The following DYTN variants were observed in gnomAD, a reference collection of about 807,000 sequenced individuals.
DYTN encodes the protein dystrotelin.
In DYTN, 75 loss-of-function variants were observed where a neutral mutation model predicts 69.6. That is an observed-to-expected ratio of 1.08 (90% CI 0.89 to 1.31). The LOEUF (loss-of-function observed/expected upper bound fraction) is 1.31, where lower values mean the gene tolerates loss of function less well. Among genes scored for constraint, DYTN ranks in the 50% most tolerant of loss-of-function variants. The probability of loss-of-function intolerance (pLI) is 0.00; values close to 1 mark genes in which losing one functional copy is unlikely to be tolerated. For missense variants in DYTN, 726 were observed against 688.4 expected, an observed-to-expected ratio of 1.05 and a Z score of -0.61; for synonymous variants, 252 against 249.1, an observed-to-expected ratio of 1.01 and a Z score of -0.11.
At chr2:206,707,248 C>A in intron 3 of DYTN, 54 bp downstream of exon 3, 1 of 1,564,802 alleles carries the variant, frequency 6.4e-7, no homozygotes, top group South Asian at 1.2e-5. Flanking sequence ...GGTAAATGAC[C>A]ACTGGAAACT....
chr2:206,671,990 T>C (rs1699634920), intron 9 of DYTN, among the ~76,000 whole-genome samples: 1 of 152,174 alleles, frequency 6.6e-6, no homozygotes, highest in Non-Finnish European at 1.5e-5. Flanking sequence ...GGGTTTTAAG[T>C]TTAATAGACA....
intron 6 of DYTN, 72 bp downstream of exon 6, chr2:206,700,073 T>C (rs962332495): frequency 1.3e-6 from 2 of 1,593,912 alleles, no homozygotes; most frequent in East Asian, 2.2e-5. Flanking sequence ...GTCTGTAATG[T>C]AAATCAGTCA....
At chr2:206,677,532 C>T (rs1239214931) in intron 9 of DYTN, among the ~76,000 whole-genome samples, 1 of 152,138 alleles carries the variant, frequency 6.6e-6, no homozygotes, top group Non-Finnish European at 1.5e-5. Flanking sequence ...TAGCTTACCT[C>T]TGATTATGCA....
chr2:206,709,674 G>C (rs190048339), intron 2 of DYTN, among the ~76,000 whole-genome samples: 21 of 152,136 alleles, frequency 1.4e-4, no homozygotes, highest in Admixed American at 3.3e-4. Flanking sequence ...TTTTAGGCAG[G>C]AGGAAAAATA....
At chr2:206,712,610 A>C (rs1574605624) in intron 1 of DYTN, among the ~76,000 whole-genome samples, 1 of 152,134 alleles carries the variant, frequency 6.6e-6, no homozygotes, top group Admixed American at 6.5e-5. Flanking sequence ...AGGACTCAGG[A>C]AGTAGGGGAT....
chr2:206,702,838 C>T (rs1046273081), intron 5 of DYTN, among the ~76,000 whole-genome samples: 13 of 152,096 alleles, frequency 8.5e-5, no homozygotes, highest in South Asian at 2.1e-4. Flanking sequence ...AAAGATTTTG[C>T]GGATGAATGG....
intron 2 of DYTN, 63 bp downstream of exon 2, chr2:206,710,461 T>C (rs940046180): frequency 3.4e-6 from 5 of 1,485,184 alleles, no homozygotes; most frequent in Non-Finnish European, 4.6e-6. Context: ...GTTTTCTCTA[T>C]GAATTTTACA....
At position 206,705,150 on chromosome 2, in the gene DYTN, G is replaced by A; in HGVS notation, c.383-207C>T. ...TTGTTCCTGTTCCCCAGGTTAGAGT[G>A]CAATGGCACAATCTTGGCTCACTGC... On this transcript the variant is annotated intron_variant, in intron 4 of 11. Coordinates refer to ENST00000452335, the MANE Select transcript of DYTN (RefSeq NM_001093730.1). 1.3e-5 allele frequency: 7 copies of A among 549,770 alleles called. No individual in the cohort carries two copies. The South Asian group carries it at 1.4e-4, about 11-fold the overall frequency. 34.1% of individuals were successfully genotyped at this position (549,770 alleles called of 1,614,324 possible).
At chr2:206,667,804 AAAGT>A (rs1699590650) in intron 9 of DYTN, among the ~76,000 whole-genome samples, 1 of 152,122 alleles carries the variant, frequency 6.6e-6, no homozygotes, top group Non-Finnish European at 1.5e-5. Context: ...TTGTCTAAAT[AAAGT>A]AATTTTATTT....
rs1320042960 is a variant in DYTN, at chr2:206,693,335, GCC to G, written c.832-14_832-13del. The G allele has an allele frequency of 8.0e-5, 129 of 1,608,906 alleles. No homozygotes were observed. Among genetic ancestry groups the G allele is most frequent in the Non-Finnish European group, 9.8e-5 (115 of 1,179,306 alleles). On this transcript the variant is annotated splice_polypyrimidine_tract_variant and intron_variant, in intron 8 of 11. Transcript: ENST00000452335. Reference sequence around the variant, plus strand: ...TGCATTGCTGACATCTGCTGAAAGGGCCAACATTTTTAAAAAGCGTCAGATCA... The same window carrying G: ...TGCATTGCTGACATCTGCTGAAAGGGAACATTTTTAAAAAGCGTCAGATCA...
chr2:206,705,649 A>G, intron 4 of DYTN, 139 bp downstream of exon 4: 5 of 676,306 alleles, frequency 7.4e-6, no homozygotes. Flanking sequence ...GTCCTCAAAT[A>G]GTAAATATTT....
chr2:206,678,866 A>T (rs1699719408), intron 9 of DYTN: 1 of 152,222 alleles, frequency 6.6e-6, no homozygotes. Flanking sequence ...ATAAAAAGTT[A>T]TTCAATAAAA....
intron 9 of DYTN, among the ~76,000 whole-genome samples, chr2:206,692,920 T>C (rs1699879972): frequency 6.6e-6 from 1 of 152,216 alleles, no homozygotes; most frequent in Non-Finnish European, 1.5e-5. Flanking sequence ...ATCTTCTTTG[T>C]CTTTCTGATG....
intron 9 of DYTN, among the ~76,000 whole-genome samples, chr2:206,684,177 T>G (rs1044239263): frequency 1.3e-5 from 2 of 152,236 alleles, no homozygotes; most frequent in Non-Finnish European, 2.9e-5. Flanking sequence ...TGTAGCCATT[T>G]GTACTTCTAC....
chr2:206,659,618 T>A (rs1290330074), intron 11 of DYTN, among the ~76,000 whole-genome samples: 2 of 151,394 alleles, frequency 1.3e-5, no homozygotes. Flanking sequence ...ACTTTCCACA[T>A]CTTCATCCAT....
chr2:206,679,071 A>G (rs1162731818), intron 9 of DYTN: 1 of 152,090 alleles, frequency 6.6e-6, no homozygotes, highest in Non-Finnish European at 1.5e-5. Flanking sequence ...TCTTTCAGGT[A>G]CAGGTATAGG....
chr2:206,694,248 T>C (rs2105897697), intron 8 of DYTN, among the ~76,000 whole-genome samples: 1 of 152,366 alleles, frequency 6.6e-6, no homozygotes, highest in East Asian at 1.9e-4. Context: ...TTAAAAAATT[T>C]GAAAGGCAGC....
intron 5 of DYTN, among the ~76,000 whole-genome samples, chr2:206,704,449 C>T (rs1700005463): frequency 6.6e-6 from 1 of 152,142 alleles, no homozygotes; most frequent in Non-Finnish European, 1.5e-5. Context: ...AAATTAAATA[C>T]TTTGGAATAA....
intron 9 of DYTN, among the ~76,000 whole-genome samples, chr2:206,683,519 T>C (rs1254167652): frequency 6.6e-6 from 1 of 151,776 alleles, no homozygotes; most frequent in African/African-American, 2.4e-5. Flanking sequence ...AATTTTTGTA[T>C]TGTTAGTAGA....
Sources: allele counts gnomAD v4.1 joint callset (sites outside exome capture counted in the v4.1 genomes callset), GRCh38; gene constraint gnomAD v4.1.1; transcripts MANE v1.5; gene names NCBI Gene and HGNC (gene_info 2026-07-23, HGNC 2026-07-21).